PRKACB: variants seen among roughly 807,000 people sequenced by gnomAD.
The protein encoded by PRKACB is protein kinase cAMP-activated catalytic subunit beta, also known as cAMP-dependent protein kinase catalytic subunit beta.
PRKACB carries 16 observed loss-of-function variants against 51.4 expected under a neutral mutation model. That is an observed-to-expected ratio of 0.31 (90% CI 0.21 to 0.47). PRKACB has a LOEUF of 0.47. PRKACB is among the 20% of genes least tolerant of loss of function. PRKACB has a pLI of 1.00. For synonymous variants in PRKACB, 147 were observed against 154.4 expected (o/e 0.95, Z 0.35); for missense variants, 309 against 464.5 (o/e 0.67, Z 3.08).
chr1:84,214,283 C>T lies in PRKACB; in HGVS notation c.1037C>T (p.Ala346Val). 1.9e-6 allele frequency: 3 copies of T among 1,609,180 alleles called. No homozygotes were observed. The highest frequency in any genetic ancestry group is 2.5e-6 in the Non-Finnish European group (3 of 1,178,170). ...VSDIKTHKWFATTDWIAIYQR... is the reference protein window; with the variant it reads ...VSDIKTHKWFVTTDWIAIYQR... ...GATATAAAAACTCACAAGTGGTTTG[C>T]CACGACAGATTGGATTGCTATTTAC... Residue 346 changes from alanine (A) to valine (V), a missense_variant, in exon 9 of 10, where the codon GCC becomes GTC. Physicochemically the swap from Ala to Val is moderately conservative, Grantham distance 64. This residue lies in a region of PRKACB where 96 missense variants were observed against 129.9 expected (regional missense o/e 0.74). Transcript: ENST00000370685.
At chr1:84,091,933 G>T (rs1415327398) in intron 1 of PRKACB, among the ~76,000 whole-genome samples, 3 of 152,162 alleles carry the variant, frequency 2.0e-5, no homozygotes, top group East Asian at 3.8e-4. Flanking sequence ...AGTGATATCT[G>T]TAACAATAAC....
intron 1 of PRKACB, among the ~76,000 whole-genome samples, chr1:84,159,533 G>T (rs1230580666): frequency 6.6e-6 from 1 of 151,868 alleles, no homozygotes; most frequent in Non-Finnish European, 1.5e-5. Flanking sequence ...TCTACATATA[G>T]AATAATTTCA....
chr1:84,137,495 G>A (rs1398653776), intron 1 of PRKACB, among the ~76,000 whole-genome samples: 1 of 152,122 alleles, frequency 6.6e-6, no homozygotes, highest in Non-Finnish European at 1.5e-5. Context: ...AAGTCTTAAT[G>A]TACGCAAACT....
chr1:84,083,743 A>C (rs548525917), intron 1 of PRKACB, among the ~76,000 whole-genome samples: 1 of 152,220 alleles, frequency 6.6e-6, no homozygotes, highest in Non-Finnish European at 1.5e-5. Flanking sequence ...AGTGAATAAC[A>C]TTGTGTTAAA....
intron 1 of PRKACB, among the ~76,000 whole-genome samples, chr1:84,174,105 C>T (rs1660438816): frequency 6.6e-6 from 1 of 151,780 alleles, no homozygotes; most frequent in East Asian, 1.9e-4. Context: ...CGTTGAAAAG[C>T]ATCACTATGC....
At chr1:84,166,733 CAT>C (rs750995448) in intron 1 of PRKACB, among the ~76,000 whole-genome samples, 3 of 151,700 alleles carry the variant, frequency 2.0e-5, no homozygotes, top group African/African-American at 4.8e-5. Flanking sequence ...TGTAACTACA[CAT>C]GTGATATTTA....
At chr1:84,194,684 T>C (rs143390836) in intron 5 of PRKACB, among the ~76,000 whole-genome samples, 2 of 152,136 alleles carry the variant, frequency 1.3e-5, no homozygotes, top group Admixed American at 1.3e-4. Flanking sequence ...CCAGGACTTT[T>C]GGAGGCTCAG....
chr1:84,213,165 C>T (rs1672381442), intron 8 of PRKACB, among the ~76,000 whole-genome samples: 1 of 152,008 alleles, frequency 6.6e-6, no homozygotes, highest in Admixed American at 6.6e-5. Flanking sequence ...TATACACATA[C>T]ATGTGTGCAT....
intron 7 of PRKACB, among the ~76,000 whole-genome samples, chr1:84,198,901 T>C (rs188010026): frequency 6.8e-6 from 1 of 147,716 alleles, no homozygotes; most frequent in East Asian, 2.0e-4. Flanking sequence ...TGTATATATA[T>C]ACACATATGT....
chr1:84,078,274 C>G (rs1373289940), exon 1 of PRKACB: 3 of 1,538,130 alleles, frequency 2.0e-6, no homozygotes, highest in South Asian at 1.2e-5. Flanking sequence ...GTGGCGGGCA[C>G]GGCCCCAGCC....
At chr1:84,233,235 A>G (rs1443721615) in intron 9 of PRKACB, among the ~76,000 whole-genome samples, 2 of 151,882 alleles carry the variant, frequency 1.3e-5, no homozygotes, top group African/African-American at 4.9e-5. Flanking sequence ...AATGTTGAAT[A>G]TTGGCACCCA....
chr1:84,147,424 C>T (rs1007553347), intron 1 of PRKACB, among the ~76,000 whole-genome samples: 25 of 151,992 alleles, frequency 1.6e-4, no homozygotes, highest in African/African-American at 5.6e-4. Context: ...GACTTTCCAC[C>T]TTTGTCTTTT....
intron 1 of PRKACB, among the ~76,000 whole-genome samples, chr1:84,117,765 T>C (rs922064560): frequency 1.3e-5 from 2 of 152,236 alleles, no homozygotes; most frequent in Non-Finnish European, 2.9e-5. Flanking sequence ...TCGTTTATGT[T>C]GTTTTTAAAG....
intron 1 of PRKACB, among the ~76,000 whole-genome samples, chr1:84,163,281 A>C (rs1658923857): frequency 6.6e-6 from 1 of 152,014 alleles, no homozygotes; most frequent in South Asian, 2.1e-4. Context: ...GTCAGATTGC[A>C]TAGCAAGGTG....
At chr1:84,151,336 A>G (rs1472312005) in intron 1 of PRKACB, among the ~76,000 whole-genome samples, 2 of 152,178 alleles carry the variant, frequency 1.3e-5, no homozygotes, top group Non-Finnish European at 2.9e-5. Context: ...AGCTTTCAGC[A>G]TTTCCCAATT....
intron 9 of PRKACB, among the ~76,000 whole-genome samples, chr1:84,232,519 G>T (rs559647662): frequency 1.3e-5 from 2 of 152,270 alleles, no homozygotes; most frequent in Non-Finnish European, 2.9e-5. Context: ...GGGTGTTAAA[G>T]TCTCCCATTA....
intron 9 of PRKACB, among the ~76,000 whole-genome samples, chr1:84,232,813 T>C (rs376173072): frequency 5.3e-5 from 8 of 151,950 alleles, no homozygotes; most frequent in African/African-American, 9.7e-5. Flanking sequence ...TGTCTCTGCA[T>C]GTGAGATGGG....
chr1:84,176,395 C>A (rs1373864827), intron 1 of PRKACB, among the ~76,000 whole-genome samples: 1 of 151,702 alleles, frequency 6.6e-6, no homozygotes, highest in Admixed American at 6.6e-5. Context: ...TAATAAAATT[C>A]AAAGCAAATG....
chr1:84,201,363 G>T (rs1670048693), intron 7 of PRKACB, among the ~76,000 whole-genome samples: 1 of 151,370 alleles, frequency 6.6e-6, no homozygotes, highest in Non-Finnish European at 1.5e-5. Flanking sequence ...TCATTTCCTT[G>T]GCCCATTTAT....
Sources: allele counts gnomAD v4.1 joint callset (sites outside exome capture counted in the v4.1 genomes callset), GRCh38; gene constraint gnomAD v4.1.1; regional missense constraint gnomAD v4.1.1; transcripts MANE v1.5; gene names NCBI Gene and HGNC (gene_info 2026-07-23, HGNC 2026-07-21).